Variants in SCOC observed in about 807,000 individuals in gnomAD.
The protein encoded by SCOC is short coiled coil protein.
A neutral mutation model predicts 9.9 loss-of-function variants in SCOC; 7 were observed. The ratio of observed to expected loss-of-function variants is 0.71; its 90% CI spans 0.40 to 1.33. The LOEUF (loss-of-function observed/expected upper bound fraction) is 1.33, where lower values mean the gene tolerates loss of function less well. Among genes scored for constraint, SCOC ranks in the 40% most tolerant of loss-of-function variants. SCOC has a pLI of 0.01. For missense variants in SCOC, 66 were observed against 89.7 expected, an observed-to-expected ratio of 0.74 and a Z score of 1.07; for synonymous variants, 19 against 28.2, an observed-to-expected ratio of 0.67 and a Z score of 1.03.
chr4:140,267,925 T>C (rs1199274264), intron 1 of SCOC, among the ~76,000 whole-genome samples: 1 of 152,164 alleles, frequency 6.6e-6, no homozygotes, highest in Non-Finnish European at 1.5e-5. Context: ...GCTGGTCAGC[T>C]CTGATTCCTA....
chr4:140,262,574 C>T lies in SCOC; in HGVS notation c.-19+5164C>T, dbSNP rs540042650. Among the ~76,000 whole-genome samples the T allele has an allele frequency of 8.8e-4, 134 of 152,238 alleles. 1 individual carries two copies. Among genetic ancestry groups the T allele is most frequent in the African/African-American group, 3.1e-3 (127 of 41,532 alleles). On this transcript the variant is annotated intron_variant, in intron 1 of 4. Coordinates refer to the SCOC transcript ENST00000394205. Reference sequence around the variant, plus strand: ...AGAGTGTTGGGCTCAATGATAGTGGCTCCTTGAATAGGAGCAGAGGAAAGC... The same window carrying T: ...AGAGTGTTGGGCTCAATGATAGTGGTTCCTTGAATAGGAGCAGAGGAAAGC...
intron 1 of SCOC, among the ~76,000 whole-genome samples, chr4:140,282,788 T>G (rs1208568437): frequency 1.3e-5 from 2 of 152,232 alleles, no homozygotes. Flanking sequence ...CTCCCTGCTC[T>G]TGAATCTGTG....
At chr4:140,298,412 A>G (rs1731711864) in intron 1 of SCOC, among the ~76,000 whole-genome samples, 1 of 152,238 alleles carries the variant, frequency 6.6e-6, no homozygotes, top group African/African-American at 2.4e-5. Flanking sequence ...ACACAAGCAT[A>G]CCATTATTCT....
chr4:140,286,923 A>AAGCTGGAAGCTTCC (rs1731288645), intron 1 of SCOC, among the ~76,000 whole-genome samples: 2 of 152,118 alleles, frequency 1.3e-5, no homozygotes, highest in African/African-American at 4.8e-5. Context: ...GGGCTCCCTG[A>AAGCTGGAAGCTTCC]CTACCCAGCT....
intron 1 of SCOC, among the ~76,000 whole-genome samples, chr4:140,332,217 T>A (rs776849402): frequency 3.2e-4 from 49 of 152,190 alleles, no homozygotes; most frequent in Non-Finnish European, 5.4e-4. Flanking sequence ...CCAAACCATA[T>A]CAGATGTTTA....
chr4:140,337,836 C>T (rs1324996432), intron 1 of SCOC, among the ~76,000 whole-genome samples: 2 of 152,112 alleles, frequency 1.3e-5, no homozygotes, highest in Admixed American at 6.5e-5. Flanking sequence ...AGTCCGGGAC[C>T]AGACGGATTC....
At chr4:140,327,752 A>G (rs1423792672) in intron 1 of SCOC, among the ~76,000 whole-genome samples, 1 of 152,242 alleles carries the variant, frequency 6.6e-6, no homozygotes, top group Non-Finnish European at 1.5e-5. Context: ...ACTTTGCTGT[A>G]TTCCATATGA....
At chr4:140,355,211 TTATATATATATATATATATATA>T (rs34322076) in intron 2 of SCOC, among the ~76,000 whole-genome samples, 8 of 61,424 alleles carry the variant, frequency 1.3e-4, no homozygotes, top group Non-Finnish European at 2.0e-4. Context: ...CATTATATTT[TTATATATATATATATATATATA>T]TATATATATA....
intron 1 of SCOC, among the ~76,000 whole-genome samples, chr4:140,316,793 A>G (rs960478104): frequency 6.6e-6 from 1 of 152,206 alleles, no homozygotes; most frequent in Non-Finnish European, 1.5e-5. Context: ...TGAAACTATG[A>G]TAACTAGGTG....
intron 1 of SCOC, among the ~76,000 whole-genome samples, chr4:140,305,077 C>T (rs1184083729): frequency 2.0e-5 from 3 of 152,178 alleles, no homozygotes. Context: ...GAATCCCCTT[C>T]AGGAGGTTTG....
chr4:140,281,481 T>A (rs1731094848), intron 1 of SCOC, among the ~76,000 whole-genome samples: 1 of 152,214 alleles, frequency 6.6e-6, no homozygotes, highest in Admixed American at 6.5e-5. Flanking sequence ...TGGGAAACAT[T>A]TCCAGTCCTA....
chr4:140,353,764 T>C (rs1043113789), intron 2 of SCOC, among the ~76,000 whole-genome samples: 1 of 152,214 alleles, frequency 6.6e-6, no homozygotes, highest in African/African-American at 2.4e-5. Flanking sequence ...ATGAATGGTC[T>C]GGAAGAACAG....
rs1728561622 is a variant in SCOC at position 140,381,205 on chromosome 4, ATATT to A, written c.*105_*108del. ...TACAGTACCTTTGTGGCTTCATTGA[ATATT>A]TATGAAGATAATGTCAGATGTAGAC... On this transcript the variant is annotated 3_prime_UTR_variant, in exon 4 of 4. Coordinates refer to ENST00000608372, the MANE Select transcript of SCOC (RefSeq NM_001153484.2). The A allele has an allele frequency of 1.8e-6, 2 of 1,134,396 alleles. No individual in the cohort carries two copies. The highest frequency in any genetic ancestry group is 2.5e-6 in the Non-Finnish European group (2 of 808,818). 70.3% of individuals were successfully genotyped at this position (1,134,396 alleles called of 1,614,324 possible). A position where few individuals can be genotyped will look rare whatever the true frequency, so the allele number is the denominator to read the frequency against.
intron 1 of SCOC, among the ~76,000 whole-genome samples, chr4:140,306,492 G>T (rs1200958990): frequency 1.3e-5 from 2 of 152,134 alleles, no homozygotes; most frequent in African/African-American, 2.4e-5. Context: ...CTACAAATGG[G>T]TTGTGAGAGC....
At chr4:140,258,158 C>T (rs1730552236) in intron 1 of SCOC, among the ~76,000 whole-genome samples, 1 of 152,228 alleles carries the variant, frequency 6.6e-6, no homozygotes, top group Admixed American at 6.5e-5. Context: ...AGCACTTGAG[C>T]TCCATTGAGT....
chr4:140,373,604 C>T (rs1227595642), upstream of SCOC: 1 of 1,551,574 alleles, frequency 6.4e-7, no homozygotes, highest in African/African-American at 1.4e-5. Context: ...GGATTCTTCT[C>T]ACGGCGCACG....
chr4:140,308,646 C>T (rs1393235769), intron 1 of SCOC, among the ~76,000 whole-genome samples: 3 of 152,194 alleles, frequency 2.0e-5, no homozygotes, highest in Non-Finnish European at 2.9e-5. Context: ...TGTCTGTGCA[C>T]GCACGCTCAT....
intron 1 of SCOC, among the ~76,000 whole-genome samples, chr4:140,327,160 C>T (rs1299174913): frequency 6.6e-6 from 1 of 152,126 alleles, no homozygotes; most frequent in East Asian, 1.9e-4. Context: ...TAAATTTGGC[C>T]CTTGTCCTCT....
intron 1 of SCOC, among the ~76,000 whole-genome samples, chr4:140,329,002 A>G (rs1022979070): frequency 3.9e-5 from 6 of 152,228 alleles, no homozygotes; most frequent in African/African-American, 1.4e-4. Context: ...AGCAAGACTA[A>G]GCAAAAACAA....
Sources: allele counts gnomAD v4.1 joint callset (sites outside exome capture counted in the v4.1 genomes callset), GRCh38; gene constraint gnomAD v4.1.1; transcripts MANE v1.5; gene names NCBI Gene and HGNC (gene_info 2026-07-23, HGNC 2026-07-21).